The following LRP12 variants were observed in gnomAD, a reference collection of about 807,000 sequenced individuals.
LRP12 encodes the protein LDL receptor related protein 12.
Under a neutral mutation model 66.0 loss-of-function variants are expected in LRP12, and 14 were observed. The observed-to-expected ratio is 0.21, with a 90% confidence interval of 0.14 to 0.33. The LOEUF (loss-of-function observed/expected upper bound fraction) is 0.33. Among genes scored for constraint, LRP12 ranks in the 10% least tolerant of loss-of-function variants. The probability of loss-of-function intolerance (pLI) is 1.00; values close to 1 mark genes in which losing one functional copy is unlikely to be tolerated. For synonymous variants in LRP12, 357 were observed against 359.1 expected, an observed-to-expected ratio of 0.99 and a Z score of 0.07; for missense variants, 889 against 1,053.4, an observed-to-expected ratio of 0.84 and a Z score of 2.16.
At chr8:104,538,115 G>A (rs778947343) in intron 1 of LRP12, among the ~76,000 whole-genome samples, 5 of 152,196 alleles carry the variant, frequency 3.3e-5, no homozygotes, top group Non-Finnish European at 7.4e-5. Flanking sequence ...AATGGAATAC[G>A]ATGATAGGCG....
chr8:104,566,724 A>C (rs924893852), intron 1 of LRP12, among the ~76,000 whole-genome samples: 3 of 152,210 alleles, frequency 2.0e-5, no homozygotes, highest in African/African-American at 7.2e-5. Flanking sequence ...CATAATCAAA[A>C]AGTAGAGTTT....
In LRP12 at chr8:104,498,007, G is replaced by T; in HGVS notation, c.545C>A (p.Ala182Asp). 6.2e-7 allele frequency: 1 copy of T among 1,613,976 alleles called. No individual in the cohort carries two copies. The highest frequency in any genetic ancestry group is 8.5e-7 in the Non-Finnish European group (1 of 1,179,974). ...RCGNGKCIPE[A>D]WKCNNMDECG... is the part of the protein sequence containing the mutation. The stretch of plus-strand genomic sequence containing the variant: ...TTCATCCATGTTATTACATTTCCAG[G>T]CTTCTGGTATACACTTTCCATTACC... The change falls in exon 5 of 7, where the codon GCC becomes GAC. Residue 182 changes from alanine (A) to aspartate (D), a missense_variant. Physicochemically the swap from Ala to Asp is moderately radical, Grantham distance 126. This residue lies in a region of LRP12 where 800 missense variants were observed against 964.5 expected (regional missense o/e 0.83). Transcript: ENST00000276654.
intron 1 of LRP12, among the ~76,000 whole-genome samples, chr8:104,559,370 T>C (rs1212670156): frequency 6.6e-6 from 1 of 152,134 alleles, no homozygotes; most frequent in African/African-American, 2.4e-5. Flanking sequence ...AAATCAAACA[T>C]TTTATGTTCT....
At chr8:104,511,913 T>C (rs1588487534) in intron 2 of LRP12, among the ~76,000 whole-genome samples, 1 of 152,032 alleles carries the variant, frequency 6.6e-6, no homozygotes, top group African/African-American at 2.4e-5. Flanking sequence ...TTCTTTTTTT[T>C]TTTGCTGCTG....
chr8:104,562,051 G>A lies in LRP12; in HGVS notation c.79+26768C>T, dbSNP rs565952152. ...GAGGGTATATAATCTCAAATTCTAC[G>A]AGCAGAAGCGTAAAGTAGTATAATC... On this transcript the variant is annotated intron_variant, in intron 1 of 6. Transcript: ENST00000276654. Among the ~76,000 whole-genome samples the A allele has an allele frequency of 5.9e-5, 9 of 152,194 alleles. No homozygotes were observed. In the East Asian group the frequency reaches 1.2e-3, roughly 20 times the overall value.
At chr8:104,581,648 T>C (rs915678493) in intron 1 of LRP12, among the ~76,000 whole-genome samples, 4 of 152,118 alleles carry the variant, frequency 2.6e-5, no homozygotes, top group African/African-American at 7.2e-5. Flanking sequence ...ATCTGTACTT[T>C]AGATAAGTCA....
rs147870803 is a variant in LRP12, at chr8:104,531,014, G to A, written c.136+893C>T. Among the ~76,000 whole-genome samples the A allele has an allele frequency of 3.1e-4, 47 of 152,220 alleles. 1 individual carries two copies. Among genetic ancestry groups the A allele is most frequent in the African/African-American group, 1.1e-3 (45 of 41,544 alleles). On this transcript the variant is annotated intron_variant, in intron 2 of 6. Transcript: ENST00000276654. ...TGACTAGGGCACACTAACCCTTAGA[G>A]TATTTGTTAAGTCTATTAACTTTCT...
chr8:104,539,450 T>C (rs1184452642), intron 1 of LRP12, among the ~76,000 whole-genome samples: 1 of 152,048 alleles, frequency 6.6e-6, no homozygotes. Context: ...TCCTGTCCTA[T>C]CTATTTTCAC....
intron 1 of LRP12, among the ~76,000 whole-genome samples, chr8:104,579,427 A>G (rs1812212978): frequency 6.6e-6 from 1 of 152,222 alleles, no homozygotes; most frequent in Non-Finnish European, 1.5e-5. Flanking sequence ...CAGAAATCAG[A>G]AATGACACAA....
intron 2 of LRP12, among the ~76,000 whole-genome samples, chr8:104,512,089 G>C (rs991278035): frequency 1.3e-5 from 2 of 152,116 alleles, no homozygotes; most frequent in Non-Finnish European, 2.9e-5. Flanking sequence ...TTAATAAAAA[G>C]ATAGCTAAGT....
chr8:104,588,716 G>T, intron 1 of LRP12, 103 bp downstream of exon 1: 1 of 901,004 alleles, frequency 1.1e-6, no homozygotes, highest in Non-Finnish European at 1.7e-6. Context: ...GGTAGCCAGG[G>T]TCTCCGCGGG....
In LRP12 at chr8:104,588,981, G is replaced by GCCGCCGCCA; in HGVS notation, c.-85_-84insTGGCGGCGG. ...GGTAGACGACGCCGACGCCGCCGCC[G>GCCGCCGCCA]CCGCCGCCGCCGCCGCCGAGCCACC... On this transcript the variant is annotated 5_prime_UTR_variant, in exon 1 of 7. Coordinates refer to ENST00000276654, the MANE Select transcript of LRP12 (RefSeq NM_013437.5). 1.3e-6 allele frequency: 1 copy of GCCGCCGCCA among 761,316 alleles called. No individual in the cohort carries two copies. The highest frequency in any genetic ancestry group is 2.0e-6 in the Non-Finnish European group (1 of 499,858). 47.2% of individuals were successfully genotyped at this position (761,316 alleles called of 1,614,324 possible). A position where few individuals can be genotyped will look rare whatever the true frequency, so the allele number is the denominator to read the frequency against.
At chr8:104,555,126 A>G (rs1246918281) in intron 1 of LRP12, among the ~76,000 whole-genome samples, 1 of 152,218 alleles carries the variant, frequency 6.6e-6, no homozygotes, top group Non-Finnish European at 1.5e-5. Context: ...AAGGAGCTCT[A>G]AATCTTGAAA....
chr8:104,547,123 C>T (rs1461375707), intron 1 of LRP12, among the ~76,000 whole-genome samples: 1 of 134,966 alleles, frequency 7.4e-6, no homozygotes, highest in African/African-American at 3.2e-5. Context: ...TCTGTTATAT[C>T]ATACTTTGTA....
At chr8:104,510,322 T>C (rs1378410453) in intron 2 of LRP12, among the ~76,000 whole-genome samples, 2 of 151,834 alleles carry the variant, frequency 1.3e-5, no homozygotes, top group Non-Finnish European at 2.9e-5. Context: ...AAGCTATTTA[T>C]TACAGGGTTA....
In LRP12 at chr8:104,491,456, T is replaced by C. The variant is rs1156984751; in HGVS notation, c.1797A>G (p.Ser599=). 6 of 1,614,084 alleles carry C rather than the reference T, an allele frequency of 3.7e-6. No individual in the cohort carries two copies. Among genetic ancestry groups the C allele is most frequent in the Non-Finnish European group, 5.1e-6 (6 of 1,180,004 alleles). ...TAAAAATACGGTTCCAAATGTTGCT[T>C]GATCTGCCTGCCATAGGAAGCCTGA... ...TSVRLPMAGR[S]SNIWNRIFNF... Residue 599 remains serine, a synonymous_variant, in exon 7 of 7, where the codon TCA becomes TCG. Coordinates refer to ENST00000276654, the MANE Select transcript of LRP12 (RefSeq NM_013437.5).
At chr8:104,547,867 C>T (rs1390471887) in intron 1 of LRP12, among the ~76,000 whole-genome samples, 7 of 122,378 alleles carry the variant, frequency 5.7e-5, no homozygotes, top group Non-Finnish European at 7.9e-5. Flanking sequence ...ATATAATATA[C>T]AATTCTGTTA....
chr8:104,495,582 C>G, intron 5 of LRP12: 1 of 158,234 alleles, frequency 6.3e-6, no homozygotes, highest in African/African-American at 2.4e-5. Flanking sequence ...TCATTGTGCT[C>G]TTTTGTTGCA....
chr8:104,533,005 A>G (rs1272634152), intron 1 of LRP12, among the ~76,000 whole-genome samples: 1 of 152,100 alleles, frequency 6.6e-6, no homozygotes, highest in East Asian at 1.9e-4. Context: ...GTAACTGTGT[A>G]AAGTATATTA....
Sources: gnomAD v4.1 joint callset for allele counts (sites outside exome capture counted in the v4.1 genomes callset) on GRCh38, gnomAD v4.1.1 for gene constraint, gnomAD v4.1.1 regional missense constraint, MANE v1.5 for transcripts, NCBI Gene and HGNC (gene_info 2026-07-23, HGNC 2026-07-21) for gene names.